The following CDH12 variants were observed in gnomAD, a reference collection of about 807,000 sequenced individuals.
CDH12 encodes the protein cadherin 12.
A neutral mutation model predicts 74.1 loss-of-function variants in CDH12; 41 were observed. The observed-to-expected ratio is 0.55, with a 90% CI of 0.43 to 0.72. CDH12 has a LOEUF of 0.72. Ranked by LOEUF, CDH12 falls within the 30% of genes least tolerant of loss-of-function variation. The pLI is 0.00. For missense variants in CDH12, 945 were observed against 977.2 expected (o/e 0.97, Z 0.44); for synonymous variants, 399 against 355.0 (o/e 1.12, Z -1.39).
At position 21,854,680 on chromosome 5, in the gene CDH12, G is replaced by A. The variant is rs1352641663; in HGVS notation, c.637C>T (p.Pro213Ser). The A allele has an allele frequency of 7.5e-7, 1 of 1,333,256 alleles. No homozygotes were observed. The highest frequency in any genetic ancestry group is 1.9e-5 in the Admixed American group (1 of 53,294). 82.6% of individuals were successfully genotyped at this position (1,333,256 alleles called of 1,614,324 possible). A position where few individuals can be genotyped will look rare whatever the true frequency, so the allele number is the denominator to read the frequency against. Residue 213 changes from proline to serine, a missense_variant, in exon 7 of 15, where the codon CCC (proline) becomes TCC (serine). Coordinates refer to ENST00000382254, the MANE Select transcript of CDH12 (RefSeq NM_004061.5). ...LQGQPYFSID[P>S]KTGVIRTALP... is the part of the protein sequence containing the mutation. ...CTAATAAAAAATTTACCTGTCTTGG[G>A]ATCAATAGAGAAATAAGGTTGTCCC...
At chr5:22,480,807 C>A (rs950630950) in intron 2 of CDH12, among the ~76,000 whole-genome samples, 3 of 152,062 alleles carry the variant, frequency 2.0e-5, no homozygotes, top group Non-Finnish European at 2.9e-5. Flanking sequence ...GGAGGCAGGG[C>A]ACAGATCCAG....
chr5:21,973,911 A>G (rs1756957713), intron 6 of CDH12, among the ~76,000 whole-genome samples: 1 of 152,178 alleles, frequency 6.6e-6, no homozygotes, highest in African/African-American at 2.4e-5. Context: ...CCAAAAGTGT[A>G]GCAGGTACTG....
intron 3 of CDH12, among the ~76,000 whole-genome samples, chr5:22,260,171 G>T (rs1272420166): frequency 6.6e-6 from 1 of 151,982 alleles, no homozygotes; most frequent in African/African-American, 2.4e-5. Context: ...CTAATTTACT[G>T]TTTGAAATAT....
intron 2 of CDH12, among the ~76,000 whole-genome samples, chr5:22,425,589 A>G (rs1277299834): frequency 6.6e-6 from 1 of 152,144 alleles, no homozygotes. Flanking sequence ...TTGAAGAAAT[A>G]TATACACTTT....
rs768141872 is a variant in CDH12, at chr5:22,629,427, C to A, written c.-522-124063G>T. 4.9e-4 allele frequency among the ~76,000 whole-genome samples: 74 copies of A among 152,132 alleles called. 1 individual carries two copies. In the Middle Eastern group the frequency reaches 0.014, roughly 28 times the overall value. ...ATCGAATCCACCTAGATTAAGTAGG[C>A]TTCATTCTGGAATGCAAGATTTTTT... On this transcript the variant is annotated intron_variant, in intron 1 of 14. Transcript: ENST00000382254.
chr5:22,015,264 G>A (rs964829859), intron 5 of CDH12, among the ~76,000 whole-genome samples: 1 of 152,152 alleles, frequency 6.6e-6, no homozygotes, highest in South Asian at 2.1e-4. Context: ...ATATCATTCA[G>A]TGAGTTTTTT....
chr5:22,548,290 C>A (rs1407307587), intron 1 of CDH12, among the ~76,000 whole-genome samples: 1 of 152,106 alleles, frequency 6.6e-6, no homozygotes, highest in African/African-American at 2.4e-5. Flanking sequence ...CCTCCTCCCA[C>A]CAAAGATGAA....
chr5:21,784,384 G>A (rs1394030569), intron 10 of CDH12, among the ~76,000 whole-genome samples: 2 of 152,032 alleles, frequency 1.3e-5, no homozygotes, highest in Admixed American at 1.3e-4. Flanking sequence ...AATAAAAAAT[G>A]TCTGCAGAAT....
At chr5:22,621,992 T>G (rs1737997789) in intron 1 of CDH12, among the ~76,000 whole-genome samples, 1 of 152,136 alleles carries the variant, frequency 6.6e-6, no homozygotes, top group Admixed American at 6.5e-5. Context: ...AATCCCCTAG[T>G]CATTAGCTGT....
intron 3 of CDH12, among the ~76,000 whole-genome samples, chr5:22,270,243 T>G (rs1736330025): frequency 6.6e-6 from 1 of 152,322 alleles, no homozygotes; most frequent in South Asian, 2.1e-4. Flanking sequence ...CTATTGCTAT[T>G]ACTAAAACTA....
chr5:22,097,303 C>T (rs1453298285), intron 4 of CDH12, among the ~76,000 whole-genome samples: 3 of 152,210 alleles, frequency 2.0e-5, no homozygotes, highest in African/African-American at 7.2e-5. Context: ...CTCTTCTCAG[C>T]TTAGCGGCTG....
intron 5 of CDH12, among the ~76,000 whole-genome samples, chr5:22,035,836 G>A (rs1739143170): frequency 6.6e-6 from 1 of 151,664 alleles, no homozygotes; most frequent in Non-Finnish European, 1.5e-5. Context: ...AATGAAACTT[G>A]ACCACTGTGT....
chr5:21,886,228 T>A (rs1023301981), intron 6 of CDH12, among the ~76,000 whole-genome samples: 1 of 152,052 alleles, frequency 6.6e-6, no homozygotes, highest in Admixed American at 6.6e-5. Flanking sequence ...TTCTTCCCTC[T>A]GAAATTTTGG....
intron 5 of CDH12, among the ~76,000 whole-genome samples, chr5:21,996,239 G>C (rs534663397): frequency 1.3e-5 from 2 of 151,896 alleles, no homozygotes; most frequent in South Asian, 2.1e-4. Context: ...TTGTCTGAAG[G>C]GATCGGCCCT....
chr5:22,459,205 C>T (rs1745406379), intron 2 of CDH12, among the ~76,000 whole-genome samples: 2 of 151,916 alleles, frequency 1.3e-5, no homozygotes, highest in South Asian at 4.2e-4. Flanking sequence ...ACATCAAGTT[C>T]CAACTTTTAT....
chr5:21,823,682 T>C (rs1748497388), intron 8 of CDH12, among the ~76,000 whole-genome samples: 1 of 151,098 alleles, frequency 6.6e-6, no homozygotes, highest in African/African-American at 2.5e-5. Flanking sequence ...ACTGATCTAC[T>C]GTCCTTAAAT....
intron 6 of CDH12, among the ~76,000 whole-genome samples, chr5:21,911,990 A>G (rs997104285): frequency 1.9e-4 from 29 of 152,244 alleles, no homozygotes; most frequent in African/African-American, 7.0e-4. Context: ...GCCTGAGGAA[A>G]CTTGGAAGCT....
At chr5:21,811,073 G>A (rs1029190840) in intron 9 of CDH12, among the ~76,000 whole-genome samples, 1 of 151,960 alleles carries the variant, frequency 6.6e-6, no homozygotes, top group Admixed American at 6.6e-5. Context: ...TATCTCATAC[G>A]TTTTTAAGGA....
chr5:22,005,537 C>T (rs1473180881), intron 5 of CDH12, among the ~76,000 whole-genome samples: 4 of 151,270 alleles, frequency 2.6e-5, no homozygotes, highest in African/African-American at 9.7e-5. Flanking sequence ...CTGCTTTGAC[C>T]TCAAACGCTC....
Sources: gnomAD v4.1 joint callset for allele counts (sites outside exome capture counted in the v4.1 genomes callset) on GRCh38, gnomAD v4.1.1 for gene constraint, MANE v1.5 for transcripts, NCBI Gene and HGNC (gene_info 2026-07-23, HGNC 2026-07-21) for gene names.